Variants in ISM1 observed in about 807,000 individuals in gnomAD.
The protein encoded by ISM1 is isthmin-1.
In ISM1, 25 loss-of-function variants were observed where a neutral mutation model predicts 46.3. The ratio of observed to expected loss-of-function variants is 0.54; its 90% CI spans 0.39 to 0.75. ISM1 has a LOEUF of 0.75. ISM1 is among the 30% of genes least tolerant of loss of function. The pLI is 0.00. For missense variants in ISM1, 536 were observed against 625.4 expected, an observed-to-expected ratio of 0.86 and a Z score of 1.52; for synonymous variants, 255 against 256.7, an observed-to-expected ratio of 0.99 and a Z score of 0.06.
chr20:13,306,623 T>C, the ISM1 span, among the ~76,000 whole-genome samples: 1 of 145,276 alleles, frequency 6.9e-6, no homozygotes, highest in African/African-American at 2.6e-5. Flanking sequence ...AGGACAAAAT[T>C]CTCTAAGGGG....
At chr20:13,285,269 T>G (rs1475495766) in intron 3 of ISM1, among the ~76,000 whole-genome samples, 1 of 151,980 alleles carries the variant, frequency 6.6e-6, no homozygotes, top group Middle Eastern at 3.4e-3. Context: ...CCAGCCTAGG[T>G]GACAGAGTGA....
At chr20:13,309,155 C>T in the ISM1 span, among the ~76,000 whole-genome samples, 119 of 152,214 alleles carry the variant, frequency 7.8e-4, no homozygotes, top group African/African-American at 2.7e-3. Context: ...TGGACACCAA[C>T]ATACATAATA....
At chr20:13,313,698 T>C in the ISM1 span, among the ~76,000 whole-genome samples, 1 of 152,212 alleles carries the variant, frequency 6.6e-6, no homozygotes, top group African/African-American at 2.4e-5. Flanking sequence ...CAGCTCCTTT[T>C]ACCAATATAT....
chr20:13,237,174 A>G (rs989856486), intron 1 of ISM1, among the ~76,000 whole-genome samples: 1 of 152,180 alleles, frequency 6.6e-6, no homozygotes, highest in African/African-American at 2.4e-5. Context: ...ATACAATTCA[A>G]TTGAGATTTG....
chr20:13,249,533 C>A (rs1185228066), intron 1 of ISM1, among the ~76,000 whole-genome samples: 3 of 152,188 alleles, frequency 2.0e-5, no homozygotes, highest in African/African-American at 7.2e-5. Flanking sequence ...CATTTACAAC[C>A]AAATTATACA....
chr20:13,303,422 A>G (rs949834096), downstream of ISM1, among the ~76,000 whole-genome samples: 1 of 152,232 alleles, frequency 6.6e-6, no homozygotes, highest in Admixed American at 6.5e-5. Context: ...CAACATTTCT[A>G]AAAGATAGCC....
At chr20:13,232,470 T>A (rs1453968012) in intron 1 of ISM1, among the ~76,000 whole-genome samples, 1 of 152,372 alleles carries the variant, frequency 6.6e-6, no homozygotes, top group South Asian at 2.1e-4. Context: ...TGTGCATAGA[T>A]AATTTGTTCC....
Position 13,299,650 on chromosome 20 carries a change from C to G in ISM1, c.*191C>G. ...GGGGACTGCCTTGTGAAGCCGCCCT[C>G]GCCATCTGCAGAGCTCCTTGAAAGT... On this transcript the variant is annotated 3_prime_UTR_variant, in exon 6 of 6. Coordinates refer to ENST00000262487, the MANE Select transcript of ISM1 (RefSeq NM_080826.2). This position sits in a 1 kb window ranked among gnomAD's most constrained non-coding sequence, Gnocchi z 5.8. The G allele has an allele frequency of 1.8e-6, 1 of 560,354 alleles. No homozygotes were observed. The highest frequency in any genetic ancestry group is 3.1e-6 in the Non-Finnish European group (1 of 327,110). The allele number at this position is 560,354 out of a possible 1,614,324, so 34.7% of individuals were successfully genotyped here.
Position 13,299,560 on chromosome 20 carries a change from T to C in ISM1, c.*101T>C. On this transcript the variant is annotated 3_prime_UTR_variant, in exon 6 of 6. Transcript: ENST00000262487. The surrounding 1 kb of genome is among the most constrained non-coding windows in gnomAD (Gnocchi z 5.8). Reference sequence around the variant, plus strand: ...GCCGAGACCTTCATAGCTGCGGTCGTGTATATTTGTATATACCACATGAGT... The same window carrying C: ...GCCGAGACCTTCATAGCTGCGGTCGCGTATATTTGTATATACCACATGAGT... 1 of 990,158 alleles carries C rather than the reference T, an allele frequency of 1.0e-6. No individual in the cohort carries two copies. Among genetic ancestry groups the C allele is most frequent in the South Asian group, 1.5e-5 (1 of 65,268 alleles). 61.3% of individuals were successfully genotyped at this position (990,158 alleles called of 1,614,324 possible).
chr20:13,222,027 G>A (rs916378491), intron 1 of ISM1, 113 bp downstream of exon 1: 12 of 1,037,366 alleles, frequency 1.2e-5, no homozygotes, highest in Non-Finnish European at 1.5e-5. Flanking sequence ...CCCCACCTAA[G>A]AGCAACTGTT....
At chr20:13,313,094 C>G in the ISM1 span, among the ~76,000 whole-genome samples, 1 of 152,180 alleles carries the variant, frequency 6.6e-6, no homozygotes, top group South Asian at 2.1e-4. Context: ...TGGGCCCCAT[C>G]CCACCACCTT....
At chr20:13,243,976 T>C (rs2039762650) in intron 1 of ISM1, 1 of 152,210 alleles carries the variant, frequency 6.6e-6, no homozygotes, top group South Asian at 2.1e-4. Context: ...TCAATGCTCA[T>C]GGTATTTGCA....
At chr20:13,282,115 AC>A (rs1224862020) in intron 3 of ISM1, among the ~76,000 whole-genome samples, 1 of 151,892 alleles carries the variant, frequency 6.6e-6, no homozygotes, top group Non-Finnish European at 1.5e-5. Context: ...ATGGTTCTCC[AC>A]CTTGATTGCT....
chr20:13,283,320 A>C (rs1322282894), intron 3 of ISM1, among the ~76,000 whole-genome samples: 1 of 152,248 alleles, frequency 6.6e-6, no homozygotes, highest in Non-Finnish European at 1.5e-5. Flanking sequence ...ATGCAATAGC[A>C]AAGCAGTGCA....
chr20:13,289,033 G>T lies in ISM1; in HGVS notation c.787+350G>T, dbSNP rs529114175. ...AAATTCCTGACCTTGTGATCCGCCC[G>T]CCTCAGCCTCCCAAGGTGCTGGGAT... On this transcript the variant is annotated intron_variant, in intron 4 of 5. Transcript: ENST00000262487. 2.3e-3 allele frequency among the ~76,000 whole-genome samples: 350 copies of T among 152,186 alleles called. 2 individuals are homozygous for T. Among genetic ancestry groups the T allele is most frequent in the African/African-American group, 8.2e-3 (340 of 41,524 alleles).
intron 1 of ISM1, among the ~76,000 whole-genome samples, chr20:13,223,167 T>A (rs200131634): frequency 0.031 from 4,018 of 129,680 alleles, 113 homozygotes; most frequent in African/African-American, 0.084. Context: ...AAAAAAAAAA[T>A]AAAATAAAAT....
At chr20:13,280,286 G>A (rs556986144) in intron 3 of ISM1, among the ~76,000 whole-genome samples, 3 of 151,360 alleles carry the variant, frequency 2.0e-5, no homozygotes, top group Admixed American at 6.6e-5. Flanking sequence ...AAAGAGATAC[G>A]TACGGCTGCT....
chr20:13,243,984 G>C (rs1287723309), intron 1 of ISM1: 1 of 152,192 alleles, frequency 6.6e-6, no homozygotes, highest in Non-Finnish European at 1.5e-5. Context: ...CATGGTATTT[G>C]CAGAAGGGAG....
At chr20:13,254,840 G>A (rs1410199597) in intron 1 of ISM1, among the ~76,000 whole-genome samples, 6 of 152,218 alleles carry the variant, frequency 3.9e-5, no homozygotes, top group Non-Finnish European at 8.8e-5. Flanking sequence ...TGTAGGAGGA[G>A]TCAACTGTGG....
Sources: allele counts gnomAD v4.1 joint callset (sites outside exome capture counted in the v4.1 genomes callset), GRCh38; gene constraint gnomAD v4.1.1; non-coding constraint Gnocchi (gnomAD v3.1); transcripts MANE v1.5; gene names NCBI Gene and HGNC (gene_info 2026-07-23, HGNC 2026-07-21).